Variants in SEC14L5 observed in about 807,000 individuals in gnomAD.
SEC14L5 encodes the protein SEC14-like protein 5.
SEC14L5 carries 96 observed loss-of-function variants against 84.6 expected under a neutral mutation model. The observed-to-expected ratio is 1.13, with a 90% CI of 0.96 to 1.34. The LOEUF is 1.34. SEC14L5 is among the 40% of genes most tolerant of loss of function. The pLI, the probability that SEC14L5 is intolerant of heterozygous loss-of-function variation, is 0.00. For synonymous variants in SEC14L5, 546 were observed against 383.4 expected (o/e 1.42, Z -4.95); for missense variants, 1,224 against 942.5 (o/e 1.30, Z -3.91).
At chr16:4,982,280 C>T (rs1287619844) in intron 2 of SEC14L5, among the ~76,000 whole-genome samples, 3 of 152,126 alleles carry the variant, frequency 2.0e-5, no homozygotes, top group Non-Finnish European at 4.4e-5. Flanking sequence ...CCTCAGATGC[C>T]GGCACTATTT....
intron 2 of SEC14L5, among the ~76,000 whole-genome samples, chr16:4,983,142 A>G (rs1955443449): frequency 6.6e-6 from 1 of 151,982 alleles, no homozygotes; most frequent in African/African-American, 2.4e-5. Context: ...AGCTGTGATT[A>G]CAAACATGTG....
Position 5,013,910 on chromosome 16 carries a change from C to G in SEC14L5, c.1980-949C>G, listed in dbSNP as rs144056364. ...GTCTCACTATTTTGCCCAGGCTGGTCTCAAACTCCTGGCCTCAAGCGATCC... is the reference window on the plus strand; with the variant it reads ...GTCTCACTATTTTGCCCAGGCTGGTGTCAAACTCCTGGCCTCAAGCGATCC... On this transcript the variant is annotated intron_variant, in intron 15 of 15. Transcript: ENST00000251170. Among the ~76,000 whole-genome samples, 825 of 151,824 alleles carry G rather than the reference C, an allele frequency of 5.4e-3. 5 individuals are homozygous for G. The highest frequency in any genetic ancestry group is 0.019 in the African/African-American group (786 of 41,396).
At position 4,996,956 on chromosome 16, in the gene SEC14L5, G is replaced by A. The variant is rs1232923544; in HGVS notation, c.882G>A (p.Gln294=). The A allele has an allele frequency of 3.1e-6, 5 of 1,613,660 alleles. No individual in the cohort carries two copies. Among genetic ancestry groups the A allele is most frequent in the Non-Finnish European group, 3.4e-6 (4 of 1,179,732 alleles). Residue 294 remains glutamine, a synonymous_variant, in exon 8 of 16, where the codon CAG becomes CAA. Coordinates refer to ENST00000251170, the MANE Select transcript of SEC14L5 (RefSeq NM_014692.2). ...MLRQSLSWRK[Q]HQVDLLLQTW... ...GCCAGTCCTTGAGCTGGCGCAAGCA[G>A]CACCAGGTGGATCTCCTCCTTCAGA...
At chr16:4,965,640 A>G (rs1014857758) in intron 2 of SEC14L5, among the ~76,000 whole-genome samples, 16 of 121,438 alleles carry the variant, frequency 1.3e-4, no homozygotes, top group African/African-American at 3.9e-4. Context: ...CAGCCTGGGC[A>G]AAAGAGCAAG....
chr16:5,011,251 G>A lies in SEC14L5; in HGVS notation c.1957G>A (p.Val653Met), dbSNP rs781330982. 47 of 1,613,712 alleles carry A rather than the reference G, an allele frequency of 2.9e-5. No individual in the cohort carries two copies. The highest frequency in any genetic ancestry group is 3.3e-4 in the Middle Eastern group (2 of 6,084). ...GTGCAAACTTCTCTACTACTGTGAG[G>A]TGCTCGCCTCTGAGGACTTCAGGTA... The part of the protein sequence containing the change: ...PKCKLLYYCE[V>M]LASEDFRGSM... The change falls in exon 15 of 16, where the codon GTG becomes ATG. Residue 653 changes from valine (V) to methionine (M), a missense_variant. Val to Met is a conservative substitution (Grantham distance 21, BLOSUM62 1). Coordinates refer to ENST00000251170, the MANE Select transcript of SEC14L5 (RefSeq NM_014692.2).
intron 2 of SEC14L5, among the ~76,000 whole-genome samples, chr16:4,981,568 A>G (rs2142495944): frequency 6.6e-6 from 1 of 152,198 alleles, no homozygotes; most frequent in South Asian, 2.1e-4. Flanking sequence ...AGGGAGGAGA[A>G]GATGTGACCG....
At chr16:4,990,548 C>G (rs895777025) in intron 4 of SEC14L5, among the ~76,000 whole-genome samples, 1 of 152,222 alleles carries the variant, frequency 6.6e-6, no homozygotes, top group South Asian at 2.1e-4. Context: ...CACATTCTCC[C>G]GGCTTCTCAT....
chr16:4,980,212 G>C (rs1252791382), intron 2 of SEC14L5, among the ~76,000 whole-genome samples: 1 of 152,214 alleles, frequency 6.6e-6, no homozygotes, highest in East Asian at 1.9e-4. Context: ...TAACAACAGT[G>C]TCCAACAATC....
At chr16:5,005,873 A>AAC (rs1568147295) in intron 11 of SEC14L5, 41 bp from the exon 12 acceptor site, 5 of 1,493,496 alleles carry the variant, frequency 3.3e-6, no homozygotes, top group Middle Eastern at 1.7e-4. Flanking sequence ...CAAAAAAAAA[A>AAC]AAAAAAAAAC....
In SEC14L5 at chr16:4,996,402, T is replaced by C. The variant is rs1257117528; in HGVS notation, c.722T>C (p.Met241Thr). 2 of 1,573,754 alleles carry C rather than the reference T, an allele frequency of 1.3e-6. No individual in the cohort carries two copies. The highest frequency in any genetic ancestry group is 1.4e-5 in the African/African-American group (1 of 73,938). ...AGGTGCCTGGGCCACCTCACGCCCATGCAGGAGAGCTGCCTGATCCAGCTT... is the reference window on the plus strand; with the variant it reads ...AGGTGCCTGGGCCACCTCACGCCCACGCAGGAGAGCTGCCTGATCCAGCTT... ...IERCLGHLTP[M>T]QESCLIQLRH... Residue 241 changes from methionine to threonine, a missense_variant, in exon 7 of 16, where the codon ATG (methionine) becomes ACG (threonine). Coordinates refer to ENST00000251170, the MANE Select transcript of SEC14L5 (RefSeq NM_014692.2).
At chr16:4,966,013 C>G (rs1171937478) in intron 2 of SEC14L5, among the ~76,000 whole-genome samples, 1 of 151,876 alleles carries the variant, frequency 6.6e-6, no homozygotes, top group African/African-American at 2.4e-5. Context: ...CTGCAGTCCA[C>G]CCTGGGCAAC....
chr16:5,012,144 GGAGGGGTCCCATAGTT>G (rs1955812602), intron 15 of SEC14L5, among the ~76,000 whole-genome samples: 1 of 152,172 alleles, frequency 6.6e-6, no homozygotes, highest in East Asian at 1.9e-4. Context: ...CTTTATCCAA[GGAGGGGTCCCATAGTT>G]TGTCAGGGGG....
At chr16:4,989,612 GC>G (rs1955530726) in intron 4 of SEC14L5, among the ~76,000 whole-genome samples, 1 of 152,168 alleles carries the variant, frequency 6.6e-6, no homozygotes, top group South Asian at 2.1e-4. Flanking sequence ...CTTCCAAAGT[GC>G]TGGGATTACA....
Position 4,996,881 on chromosome 16 carries a change from G to A in SEC14L5, c.807G>A (p.Arg269=). ...GKIPKDEHIL[R]FLRAHDFHLD... is the part of the protein sequence containing the mutation. ...TTCCCAAAGATGAGCACATCCTTCG[G>A]TTCCTGCGGGCTCATGACTTCCACC... The change falls in exon 8 of 16, where the codon CGG becomes CGA. Residue 269 remains arginine, a synonymous_variant. Transcript: ENST00000251170. 1 of 1,613,268 alleles carries A rather than the reference G, an allele frequency of 6.2e-7. No individual in the cohort carries two copies. Among genetic ancestry groups the A allele is most frequent in the Non-Finnish European group, 8.5e-7 (1 of 1,179,598 alleles).
chr16:5,005,657 C>T (rs62036198), intron 11 of SEC14L5, among the ~76,000 whole-genome samples: 9 of 151,476 alleles, frequency 5.9e-5, no homozygotes, highest in Admixed American at 1.3e-4. Context: ...GTCAGGAGAT[C>T]GAGACCATCC....
Position 5,011,375 on chromosome 16 carries a change from C to T in SEC14L5, c.1979+102C>T, listed in dbSNP as rs533158289. 163 of 1,209,046 alleles carry T rather than the reference C, an allele frequency of 1.3e-4. No individual in the cohort carries two copies. In the African/African-American group the frequency reaches 1.4e-3, roughly 10 times the overall value. 74.9% of individuals were successfully genotyped at this position (1,209,046 alleles called of 1,614,324 possible). On this transcript the variant is annotated intron_variant, in intron 15 of 15. Coordinates refer to ENST00000251170, the MANE Select transcript of SEC14L5 (RefSeq NM_014692.2). ...GTCTCCCAGCTGGGTCAGCTTCTCC[C>T]GGGGTGGGACCCCAGCATGGGTATG...
Position 5,003,453 on chromosome 16 carries a change from G to A in SEC14L5, c.1182G>A (p.Trp394Ter), listed in dbSNP as rs1241052456. ...DLEGLNMRHL[W>*]RPGVKALLRM... is the part of the protein sequence containing the mutation. The stretch of plus-strand genomic sequence containing the variant: ...AGGGACTCAACATGCGGCACCTGTG[G>A]CGGCCGGGGGTGAAGGCCCTGCTGC... Residue 394 changes from tryptophan to a stop codon, truncating the protein, a stop_gained, in exon 11 of 16, where the codon TGG becomes TGA. Coordinates refer to ENST00000251170, the MANE Select transcript of SEC14L5 (RefSeq NM_014692.2). LOFTEE classifies it high-confidence loss of function. 1 of 1,613,364 alleles carries A rather than the reference G, an allele frequency of 6.2e-7. No individual in the cohort carries two copies. The highest frequency in any genetic ancestry group is 8.5e-7 in the Non-Finnish European group (1 of 1,179,800).
intron 11 of SEC14L5, among the ~76,000 whole-genome samples, chr16:5,004,196 G>A (rs1206614992): frequency 6.6e-6 from 1 of 152,218 alleles, no homozygotes; most frequent in Non-Finnish European, 1.5e-5. Context: ...GGGACCCATG[G>A]AGGGTTCAGT....
At chr16:4,979,966 C>T (rs561507253) in intron 2 of SEC14L5, among the ~76,000 whole-genome samples, 16 of 152,268 alleles carry the variant, frequency 1.1e-4, no homozygotes, top group African/African-American at 3.1e-4. Flanking sequence ...TCCAAGCCAC[C>T]GATGCTTGTG....
Sources: allele counts gnomAD v4.1 joint callset (sites outside exome capture counted in the v4.1 genomes callset), GRCh38; gene constraint gnomAD v4.1.1; transcripts MANE v1.5; gene names NCBI Gene and HGNC (gene_info 2026-07-23, HGNC 2026-07-21).